CACUL1: variants seen among roughly 807,000 people sequenced by gnomAD.
CACUL1 encodes the protein CDK2-associated and cullin domain-containing protein 1.
Under a neutral mutation model 45.2 loss-of-function variants are expected in CACUL1, and 13 were observed. The observed-to-expected ratio is 0.29, with a 90% confidence interval of 0.19 to 0.46. CACUL1 has a LOEUF of 0.46. CACUL1 is among the 20% of genes least tolerant of loss of function. The pLI, the probability that CACUL1 is intolerant of heterozygous loss-of-function variation, is 1.00. For missense variants in CACUL1, 421 were observed against 471.4 expected, an observed-to-expected ratio of 0.89 and a Z score of 0.99; for synonymous variants, 197 against 174.2, an observed-to-expected ratio of 1.13 and a Z score of -1.03.
intron 3 of CACUL1, among the ~76,000 whole-genome samples, chr10:118,713,495 G>A (rs1285912377): frequency 6.6e-6 from 1 of 152,120 alleles, no homozygotes; most frequent in Non-Finnish European, 1.5e-5. Flanking sequence ...CAGATGGGCC[G>A]CCACTGCCAT....
intron 1 of CACUL1, among the ~76,000 whole-genome samples, chr10:118,740,569 C>G (rs1315217940): frequency 6.6e-6 from 1 of 152,108 alleles, no homozygotes; most frequent in African/African-American, 2.4e-5. Flanking sequence ...GAGATCACGC[C>G]ACTGCACTCC....
At chr10:118,729,738 A>AAG (rs1235818032) in intron 2 of CACUL1, among the ~76,000 whole-genome samples, 4 of 152,198 alleles carry the variant, frequency 2.6e-5, no homozygotes, top group South Asian at 4.1e-4. Flanking sequence ...CAAAATAAGG[A>AAG]AGAGAGAGTG....
At chr10:118,700,620 G>C (rs1446849512) in intron 5 of CACUL1, among the ~76,000 whole-genome samples, 1 of 151,812 alleles carries the variant, frequency 6.6e-6, no homozygotes, top group Non-Finnish European at 1.5e-5. Flanking sequence ...GGGAGGCTGA[G>C]GCAGGAGAAT....
chr10:118,750,317 T>C (rs1380702477), intron 1 of CACUL1, among the ~76,000 whole-genome samples: 1 of 149,696 alleles, frequency 6.7e-6, no homozygotes, highest in Non-Finnish European at 1.5e-5. Context: ...AGAGCGAGAC[T>C]GTCTCAAAAA....
chr10:118,677,548 T>C lies in CACUL1; in HGVS notation c.*8580A>G, dbSNP rs1480535846. The C allele has an allele frequency of 3.3e-5, 5 of 152,234 alleles. No individual in the cohort carries two copies. Among genetic ancestry groups the C allele is most frequent in the Non-Finnish European group, 5.9e-5 (4 of 68,050 alleles). 9.4% of individuals were successfully genotyped at this position (152,234 alleles called of 1,614,324 possible). A position where few individuals can be genotyped will look rare whatever the true frequency, so the allele number is the denominator to read the frequency against. On this transcript the variant is annotated 3_prime_UTR_variant, in exon 9 of 9. Coordinates refer to ENST00000369151, the MANE Select transcript of CACUL1 (RefSeq NM_153810.5). ...AATGTTAATAACTGTCTTTCCTTTA[T>C]AGCTTTACTACTTGTGTCTGAGTCC...
intron 5 of CACUL1, among the ~76,000 whole-genome samples, chr10:118,698,069 T>G (rs959734766): frequency 1.3e-5 from 2 of 152,180 alleles, no homozygotes; most frequent in Non-Finnish European, 2.9e-5. Flanking sequence ...TGATTCTTTA[T>G]TAACAGACAG....
intron 1 of CACUL1, among the ~76,000 whole-genome samples, chr10:118,747,536 CAA>C (rs3061057): frequency 2.4e-4 from 19 of 77,888 alleles, no homozygotes; most frequent in Non-Finnish European, 3.9e-4. Context: ...TTTGGTAAAT[CAA>C]AAAAAAAAAA....
rs1390591451 is a variant in CACUL1 at position 118,754,605 on chromosome 10, G to A, written c.158C>T (p.Pro53Leu). ...SSIPAPAREP[P>L]GGQLLAVPAV... is the part of the protein sequence containing the mutation. Reference sequence around the variant, plus strand: ...GGGCACCGCCAGCAGCTGCCCCCCCGGAGGCTCTCGGGCAGGGGCCGGGAT... The same window carrying A: ...GGGCACCGCCAGCAGCTGCCCCCCCAGAGGCTCTCGGGCAGGGGCCGGGAT... Residue 53 changes from proline to leucine, a missense_variant, in exon 1 of 9, where the codon CCG (proline) becomes CTG (leucine). Physicochemically the swap from Pro to Leu is moderately conservative, Grantham distance 98. Transcript: ENST00000369151. 2 of 1,608,396 alleles carry A rather than the reference G, an allele frequency of 1.2e-6. No homozygotes were observed. Among genetic ancestry groups the A allele is most frequent in the South Asian group, 1.1e-5 (1 of 90,640 alleles).
intron 5 of CACUL1, 61 bp downstream of exon 5, chr10:118,701,245 A>G: frequency 1.0e-6 from 1 of 1,004,248 alleles, no homozygotes; most frequent in Non-Finnish European, 1.5e-6. Flanking sequence ...AGACCAAAAA[A>G]AAAAGAAAAA....
chr10:118,749,793 G>A (rs557538432), intron 1 of CACUL1, among the ~76,000 whole-genome samples: 5 of 152,288 alleles, frequency 3.3e-5, no homozygotes, highest in South Asian at 4.1e-4. Context: ...GCTTATGGAC[G>A]TCACATAAAT....
In CACUL1 at chr10:118,754,676, C is replaced by T. The variant is rs374722005; in HGVS notation, c.87G>A (p.Val29=). 6.2e-7 allele frequency: 1 copy of T among 1,608,650 alleles called. No individual in the cohort carries two copies. Among genetic ancestry groups the T allele is most frequent in the Non-Finnish European group, 8.5e-7 (1 of 1,177,950 alleles). Residue 29 remains valine (V), a synonymous_variant, in exon 1 of 9, where the codon GTG becomes GTA. Coordinates refer to ENST00000369151, the MANE Select transcript of CACUL1 (RefSeq NM_153810.5). The part of the protein sequence containing the change: ...DQNHNNWEAA[V]DGFRQPLPPP... ...GTGGCAGGGGCTGCCGGAAGCCGTC[C>T]ACCGCAGCCTCCCAGTTGTTGTGGT...
intron 1 of CACUL1, among the ~76,000 whole-genome samples, chr10:118,740,537 G>T (rs1173609266): frequency 6.6e-6 from 1 of 151,970 alleles, no homozygotes; most frequent in Non-Finnish European, 1.5e-5. Flanking sequence ...TTGAACCCAG[G>T]AGGCAGAGAC....
At chr10:118,743,616 C>A (rs1845812353) in intron 1 of CACUL1, among the ~76,000 whole-genome samples, 1 of 152,098 alleles carries the variant, frequency 6.6e-6, no homozygotes, top group Non-Finnish European at 1.5e-5. Flanking sequence ...GTAGTCCTAG[C>A]TATTCAGGAG....
intron 6 of CACUL1, among the ~76,000 whole-genome samples, chr10:118,691,888 A>AT (rs1845274477): frequency 1.3e-5 from 2 of 150,862 alleles, no homozygotes; most frequent in African/African-American, 4.9e-5. Flanking sequence ...AAAAAAAAAA[A>AT]AAGAAAAAGA....
intron 7 of CACUL1, among the ~76,000 whole-genome samples, chr10:118,690,810 C>A (rs1425864709): frequency 6.6e-6 from 1 of 152,184 alleles, no homozygotes; most frequent in Non-Finnish European, 1.5e-5. Flanking sequence ...CTTTGGGAGG[C>A]CTAGGCAGGC....
chr10:118,752,994 C>T (rs908830406), intron 1 of CACUL1, among the ~76,000 whole-genome samples: 1 of 152,126 alleles, frequency 6.6e-6, no homozygotes, highest in African/African-American at 2.4e-5. Context: ...CATCTTTTCA[C>T]AAAAATAATC....
At chr10:118,721,170 A>C (rs1845596466) in intron 3 of CACUL1, among the ~76,000 whole-genome samples, 1 of 152,236 alleles carries the variant, frequency 6.6e-6, no homozygotes, top group African/African-American at 2.4e-5. Context: ...AAAATTTCAA[A>C]TGACCGTACA....
chr10:118,738,087 T>C (rs1845756035), intron 1 of CACUL1, among the ~76,000 whole-genome samples: 1 of 152,224 alleles, frequency 6.6e-6, no homozygotes, highest in Non-Finnish European at 1.5e-5. Flanking sequence ...AGTCTGAACC[T>C]TGAAGCAGTA....
At chr10:118,693,303 A>G (rs1845289972) in intron 6 of CACUL1, 1 of 155,504 alleles carries the variant, frequency 6.4e-6, no homozygotes, top group Non-Finnish European at 1.4e-5. Flanking sequence ...TTAATCTGTC[A>G]GGTGAATAAA....
Sources: gnomAD v4.1 joint callset for allele counts (sites outside exome capture counted in the v4.1 genomes callset) on GRCh38, gnomAD v4.1.1 for gene constraint, MANE v1.5 for transcripts, NCBI Gene and HGNC (gene_info 2026-07-23, HGNC 2026-07-21) for gene names.